CDH20: variants seen among roughly 807,000 people sequenced by gnomAD.
CDH20 encodes cadherin-20.
Under a neutral mutation model 74.2 loss-of-function variants are expected in CDH20, and 29 were observed. The observed-to-expected ratio is 0.39, with a 90% CI of 0.29 to 0.53. The LOEUF (loss-of-function observed/expected upper bound fraction) is 0.53, where lower values mean the gene tolerates loss of function less well. Ranked by LOEUF, CDH20 falls within the 20% of genes least tolerant of loss-of-function variation. The pLI, the probability that CDH20 is intolerant of heterozygous loss-of-function variation, is 0.69. For missense variants in CDH20, 988 were observed against 1,048.3 expected, an observed-to-expected ratio of 0.94 and a Z score of 0.79; for synonymous variants, 469 against 405.4, an observed-to-expected ratio of 1.16 and a Z score of -1.88.
At position 61,416,886 on chromosome 18, in the gene CDH20, T is replaced by A. The variant is rs957949141; in HGVS notation, c.-152-73516T>A. Among the ~76,000 whole-genome samples, 26 of 152,150 alleles carry A rather than the reference T, an allele frequency of 1.7e-4. 1 individual carries two copies. Among genetic ancestry groups the A allele is most frequent in the Non-Finnish European group, 2.8e-4 (19 of 68,022 alleles). ...CAGAAGATGACTACAAACACATACA[T>A]GAAAAACAAACTATGATTAAACTAT... is the stretch of plus-strand genomic sequence containing the variant. On this transcript the variant is annotated intron_variant, in intron 1 of 11. Coordinates refer to ENST00000262717, the MANE Select transcript of CDH20 (RefSeq NM_031891.4).
At chr18:61,363,514 G>A (rs1910765958) in intron 1 of CDH20, among the ~76,000 whole-genome samples, 2 of 152,196 alleles carry the variant, frequency 1.3e-5, no homozygotes, top group South Asian at 4.2e-4. Context: ...TTAAAATATA[G>A]CATTCCTTTA....
chr18:61,506,865 C>T (rs565457894), intron 5 of CDH20, among the ~76,000 whole-genome samples: 1 of 152,076 alleles, frequency 6.6e-6, no homozygotes, highest in African/African-American at 2.4e-5. Context: ...CGGCTGCCCC[C>T]CCTTTATAGA....
At chr18:61,527,366 A>AG (rs1555683341) in intron 6 of CDH20, among the ~76,000 whole-genome samples, 5 of 142,054 alleles carry the variant, frequency 3.5e-5, no homozygotes, top group African/African-American at 7.7e-5. Context: ...TGAATATTCT[A>AG]ATAGATAGAT....
intron 10 of CDH20, among the ~76,000 whole-genome samples, chr18:61,548,132 G>A (rs143017030): frequency 1.4e-4 from 21 of 152,328 alleles, no homozygotes; most frequent in Middle Eastern, 6.8e-3. Context: ...AGGTGCACGG[G>A]TTGTTTGGTA....
intron 1 of CDH20, among the ~76,000 whole-genome samples, chr18:61,470,984 T>C (rs1346429777): frequency 6.6e-6 from 1 of 151,306 alleles, no homozygotes; most frequent in Admixed American, 6.6e-5. Flanking sequence ...CATTCTAAAG[T>C]GTAATTTTTC....
intron 2 of CDH20, among the ~76,000 whole-genome samples, chr18:61,498,267 G>C (rs1265066313): frequency 2.0e-5 from 3 of 152,176 alleles, no homozygotes; most frequent in Middle Eastern, 3.4e-3. Context: ...AGGCATTGTG[G>C]TGCATGCCTG....
In CDH20 at chr18:61,480,173, A is replaced by G. The variant is rs572297089; in HGVS notation, c.-152-10229A>G. Among the ~76,000 whole-genome samples, 11 of 152,282 alleles carry G rather than the reference A, an allele frequency of 7.2e-5. No homozygotes were observed. In the South Asian group the frequency reaches 2.3e-3, roughly 32 times the overall value. On this transcript the variant is annotated intron_variant, in intron 1 of 11. Transcript: ENST00000262717. ...ATTAGAGGAAAAAAGATCTTCTCAT[A>G]TCACCTTCCCTCCCCCAAATTAAGA... is the stretch of plus-strand genomic sequence containing the variant.
chr18:61,374,488 T>G (rs1390574764), intron 1 of CDH20, among the ~76,000 whole-genome samples: 1 of 152,160 alleles, frequency 6.6e-6, no homozygotes, highest in Admixed American at 6.6e-5. Flanking sequence ...TGCACATTAC[T>G]TTCCCCAAAA....
rs568284013 is a variant in CDH20, at chr18:61,408,938, C to T, written c.-153+75111C>T. On this transcript the variant is annotated intron_variant, in intron 1 of 11. Transcript: ENST00000262717. ...ATACAAAAAAAAATGACAGACCAGA[C>T]CTTTTTAATTCTAGCATCAGCTCCT... Among the ~76,000 whole-genome samples, 6 of 152,256 alleles carry T rather than the reference C, an allele frequency of 3.9e-5. No homozygotes were observed. The East Asian group carries it at 1.2e-3, about 29-fold the overall frequency.
chr18:61,448,970 G>A lies in CDH20; in HGVS notation c.-152-41432G>A, dbSNP rs889402731. 3.9e-5 allele frequency among the ~76,000 whole-genome samples: 6 copies of A among 152,150 alleles called. No homozygotes were observed. In the South Asian group the frequency reaches 1.2e-3, roughly 32 times the overall value. ...ATATATTCCTATGCTACCTTCCCTT[G>A]CTGATGATATCAGATGAACACCCGA... On this transcript the variant is annotated intron_variant, in intron 1 of 11. Coordinates refer to ENST00000262717, the MANE Select transcript of CDH20 (RefSeq NM_031891.4).
intron 1 of CDH20, among the ~76,000 whole-genome samples, chr18:61,361,426 C>A (rs1910691135): frequency 6.6e-6 from 1 of 152,106 alleles, no homozygotes; most frequent in African/African-American, 2.4e-5. Context: ...ATCATCTGGG[C>A]AAACTGGCAG....
chr18:61,514,785 G>T (rs567522250), intron 6 of CDH20, among the ~76,000 whole-genome samples: 6 of 151,980 alleles, frequency 3.9e-5, no homozygotes, highest in East Asian at 3.9e-4. Flanking sequence ...TGCCTCTGCT[G>T]GGGGGTGCCT....
At chr18:61,468,432 G>A (rs1016408861) in intron 1 of CDH20, among the ~76,000 whole-genome samples, 1 of 152,176 alleles carries the variant, frequency 6.6e-6, no homozygotes. Flanking sequence ...AGGTGTGTGA[G>A]TGTGTGTGTT....
At chr18:61,533,814 G>A (rs778810790) in intron 7 of CDH20, among the ~76,000 whole-genome samples, 2 of 152,166 alleles carry the variant, frequency 1.3e-5, no homozygotes, top group Non-Finnish European at 2.9e-5. Flanking sequence ...GGTCAGATAA[G>A]GGTCCATTTC....
At chr18:61,396,625 G>C (rs1911988877) in intron 1 of CDH20, among the ~76,000 whole-genome samples, 1 of 152,106 alleles carries the variant, frequency 6.6e-6, no homozygotes. Context: ...CCCAGGATGT[G>C]GATACACGCT....
At chr18:61,382,894 A>T (rs1911478331) in intron 1 of CDH20, among the ~76,000 whole-genome samples, 1 of 152,150 alleles carries the variant, frequency 6.6e-6, no homozygotes, top group Admixed American at 6.5e-5. Context: ...AGGAGGAAAG[A>T]ATATAATATG....
At chr18:61,363,811 TG>T (rs2144139995) in intron 1 of CDH20, among the ~76,000 whole-genome samples, 1 of 152,306 alleles carries the variant, frequency 6.6e-6, no homozygotes, top group Non-Finnish European at 1.5e-5. Context: ...TCAAAGTTGG[TG>T]GTAGCTTACA....
intron 7 of CDH20, among the ~76,000 whole-genome samples, chr18:61,531,297 C>T (rs990551905): frequency 6.6e-6 from 1 of 152,188 alleles, no homozygotes; most frequent in African/African-American, 2.4e-5. Context: ...TCCCATGCGA[C>T]ATTCACTATA....
chr18:61,377,519 C>A (rs183100792), intron 1 of CDH20, among the ~76,000 whole-genome samples: 1 of 151,996 alleles, frequency 6.6e-6, no homozygotes, highest in African/African-American at 2.4e-5. Flanking sequence ...AGAGCCCAAT[C>A]CACTTTGAGT....
Sources: gnomAD v4.1 joint callset for allele counts (sites outside exome capture counted in the v4.1 genomes callset) on GRCh38, gnomAD v4.1.1 for gene constraint, MANE v1.5 for transcripts, NCBI Gene and HGNC (gene_info 2026-07-23, HGNC 2026-07-21) for gene names.